Variants in TGFBR3 observed in about 807,000 individuals in gnomAD.
TGFBR3 encodes transforming growth factor beta receptor 3, also known as transforming growth factor beta receptor type 3.
Under a neutral mutation model 87.9 loss-of-function variants are expected in TGFBR3, and 46 were observed. That is an observed-to-expected ratio of 0.52 (90% CI 0.41 to 0.67). The LOEUF (loss-of-function observed/expected upper bound fraction) is 0.67. Among genes scored for constraint, TGFBR3 ranks in the 30% least tolerant of loss-of-function variants. The pLI is 0.00. For missense variants in TGFBR3, 866 were observed against 1,041.9 expected, an observed-to-expected ratio of 0.83 and a Z score of 2.32; for synonymous variants, 381 against 391.6, an observed-to-expected ratio of 0.97 and a Z score of 0.32.
intron 2 of TGFBR3, among the ~76,000 whole-genome samples, chr1:91,801,226 C>T (rs1430098461): frequency 1.3e-5 from 2 of 152,134 alleles, no homozygotes; most frequent in Non-Finnish European, 2.9e-5. Context: ...AAAGTAAGCT[C>T]AATGTGCTTA....
intron 14 of TGFBR3, among the ~76,000 whole-genome samples, chr1:91,707,428 G>A (rs1025198670): frequency 7.2e-5 from 11 of 152,176 alleles, no homozygotes; most frequent in African/African-American, 2.7e-4. Context: ...CTCTGTTCTG[G>A]TAGGTTCTGC....
At chr1:91,727,170 T>C (rs1457905581) in intron 7 of TGFBR3, among the ~76,000 whole-genome samples, 1 of 152,210 alleles carries the variant, frequency 6.6e-6, no homozygotes, top group Non-Finnish European at 1.5e-5. Flanking sequence ...ATGCCAATAT[T>C]TCGTATTTAA....
chr1:91,735,841 C>T (rs1672950836), intron 4 of TGFBR3, among the ~76,000 whole-genome samples: 1 of 152,088 alleles, frequency 6.6e-6, no homozygotes, highest in Non-Finnish European at 1.5e-5. Context: ...CTGATTTTTT[C>T]AATGTCAGAG....
chr1:91,783,009 C>G (rs1312611980), intron 3 of TGFBR3, among the ~76,000 whole-genome samples: 1 of 152,216 alleles, frequency 6.6e-6, no homozygotes, highest in Non-Finnish European at 1.5e-5. Context: ...CAAAATGGAT[C>G]AGATGTGTGT....
chr1:91,714,493 A>T (rs1441458550), intron 12 of TGFBR3, among the ~76,000 whole-genome samples: 2 of 152,208 alleles, frequency 1.3e-5, no homozygotes, highest in Admixed American at 6.5e-5. Flanking sequence ...AATAGAGGAT[A>T]AACTATGAGA....
intron 2 of TGFBR3, among the ~76,000 whole-genome samples, chr1:91,891,681 C>A (rs911537119): frequency 6.6e-6 from 1 of 152,170 alleles, no homozygotes; most frequent in Non-Finnish European, 1.5e-5. Context: ...GAATGTGTGA[C>A]AGAACATGAA....
chr1:91,882,378 C>T (rs7525713), intron 1 of TGFBR3, among the ~76,000 whole-genome samples: 17,002 of 151,578 alleles, frequency 0.11, 1,356 homozygotes, highest in African/African-American at 0.23. Flanking sequence ...CTCAAGTGAT[C>T]CACCTGCCTC....
intron 12 of TGFBR3, among the ~76,000 whole-genome samples, 163 bp downstream of exon 12, chr1:91,716,073 A>C (rs1281497135): frequency 2.0e-5 from 3 of 152,142 alleles, no homozygotes. Flanking sequence ...TGCTTTGGTC[A>C]GAAGTCAGTC....
chr1:91,801,716 G>A (rs1038847928), intron 2 of TGFBR3, among the ~76,000 whole-genome samples: 1 of 152,064 alleles, frequency 6.6e-6, no homozygotes, highest in African/African-American at 2.4e-5. Flanking sequence ...AGAAAAGTTG[G>A]GAGAGGGAGG....
At chr1:91,791,721 G>A (rs1276156280) in intron 3 of TGFBR3, among the ~76,000 whole-genome samples, 1 of 152,288 alleles carries the variant, frequency 6.6e-6, no homozygotes, top group East Asian at 1.9e-4. Context: ...GACACAACTC[G>A]GGGGCTGGCT....
At chr1:91,847,355 G>A (rs2101132352) in intron 2 of TGFBR3, among the ~76,000 whole-genome samples, 1 of 152,206 alleles carries the variant, frequency 6.6e-6, no homozygotes, top group Non-Finnish European at 1.5e-5. Flanking sequence ...TGTAATCCCA[G>A]CACTTTGGGA....
intron 8 of TGFBR3, 115 bp from the exon 9 acceptor site, chr1:91,720,345 T>A: frequency 1.0e-6 from 1 of 988,070 alleles, no homozygotes; most frequent in Non-Finnish European, 1.5e-6. Context: ...AAATGACTTT[T>A]AATAAGCAGT....
intron 1 of TGFBR3, 21 bp downstream of exon 1, chr1:91,885,857 C>G (rs964176778): frequency 9.1e-6 from 3 of 330,566 alleles, no homozygotes; most frequent in African/African-American, 6.9e-5. Context: ...TGCAGCGCCG[C>G]GGGGCTGGGC....
At chr1:91,847,088 A>T (rs1240688754) in intron 2 of TGFBR3, among the ~76,000 whole-genome samples, 1 of 152,236 alleles carries the variant, frequency 6.6e-6, no homozygotes, top group African/African-American at 2.4e-5. Context: ...AGAGAAAGCA[A>T]ATCAGAAAAC....
At chr1:91,727,367 T>C (rs1172257404) in intron 7 of TGFBR3, among the ~76,000 whole-genome samples, 1 of 152,176 alleles carries the variant, frequency 6.6e-6, no homozygotes, top group Non-Finnish European at 1.5e-5. Context: ...AGCATACTAA[T>C]GTATTTCAGG....
intron 1 of TGFBR3, among the ~76,000 whole-genome samples, chr1:91,882,188 G>C (rs183193621): frequency 7.0e-6 from 1 of 142,996 alleles, no homozygotes; most frequent in Non-Finnish European, 1.5e-5. Flanking sequence ...CCAGGCTGGC[G>C]TGCAGTGGCA....
Position 91,835,656 on chromosome 1 carries a change from G to A in TGFBR3, c.61+25815C>T, listed in dbSNP as rs566281239. ...ATCCTGGCTAACACGGTGAAACCCC[G>A]TCTCTACTAAAAATACAAAAAATTA... On this transcript the variant is annotated intron_variant, in intron 2 of 16. Transcript: ENST00000212355. Among the ~76,000 whole-genome samples, 288 of 151,600 alleles carry A rather than the reference G, an allele frequency of 1.9e-3. 2 individuals carry two copies. The highest frequency in any genetic ancestry group is 6.3e-3 in the African/African-American group (262 of 41,372).
At chr1:91,764,317 C>CAAAAAAAAAAAAAAAAAAAAAAAAAA (rs200776741) in intron 3 of TGFBR3, among the ~76,000 whole-genome samples, 2 of 77,392 alleles carry the variant, frequency 2.6e-5, no homozygotes, top group Non-Finnish European at 4.5e-5. Context: ...ACAAAAGAGA[C>CAAAAAAAAAAAAAAAAAAAAAAAAAA]AAAAAAAAAA....
chr1:91,702,246 C>T (rs545017321), intron 14 of TGFBR3, among the ~76,000 whole-genome samples: 3 of 152,184 alleles, frequency 2.0e-5, no homozygotes, highest in Non-Finnish European at 4.4e-5. Context: ...CCACTATACA[C>T]CTACCATATT....
Sources: gnomAD v4.1 joint callset for allele counts (sites outside exome capture counted in the v4.1 genomes callset) on GRCh38, gnomAD v4.1.1 for gene constraint, MANE v1.5 for transcripts, NCBI Gene and HGNC (gene_info 2026-07-23, HGNC 2026-07-21) for gene names.